RB1: variants seen among roughly 807,000 people sequenced by gnomAD.
RB1 encodes retinoblastoma-associated protein.
A neutral mutation model predicts 135.4 loss-of-function variants in RB1; 18 were observed. The ratio of observed to expected loss-of-function variants is 0.13; its 90% CI spans 0.09 to 0.20. The LOEUF (loss-of-function observed/expected upper bound fraction) is 0.20, where lower values mean the gene tolerates loss of function less well. RB1 is among the 10% of genes least tolerant of loss of function. RB1 has a pLI of 1.00. For synonymous variants in RB1, 365 were observed against 373.2 expected (o/e 0.98, Z 0.25); for missense variants, 868 against 1,110.0 (o/e 0.78, Z 3.10).
At chr13:48,442,830 G>A (rs1441862648) in intron 17 of RB1, among the ~76,000 whole-genome samples, 1 of 151,816 alleles carries the variant, frequency 6.6e-6, no homozygotes, top group Non-Finnish European at 1.5e-5. Flanking sequence ...AAAATTAACA[G>A]AACAATCACA....
At chr13:48,430,729 G>T (rs1044901154) in intron 17 of RB1, among the ~76,000 whole-genome samples, 1 of 149,066 alleles carries the variant, frequency 6.7e-6, no homozygotes, top group Admixed American at 6.9e-5. Flanking sequence ...GACAGAGTGA[G>T]TCTCCATCTC....
chr13:48,344,606 G>A (rs1223136967), intron 3 of RB1, among the ~76,000 whole-genome samples: 1 of 152,150 alleles, frequency 6.6e-6, no homozygotes. Context: ...ACACGGGGGA[G>A]GGGGTGGCTT....
intron 2 of RB1, among the ~76,000 whole-genome samples, chr13:48,332,588 CA>C (rs1952347179): frequency 6.6e-6 from 1 of 151,708 alleles, no homozygotes; most frequent in African/African-American, 2.4e-5. Flanking sequence ...GTCTCAAAAA[CA>C]AAAACAAAAA....
chr13:48,381,163 C>G lies in RB1; in HGVS notation c.1499-84C>G. ...AATGGTTTAACCTTTCTACTGTTTT[C>G]TTTGTCTGATAATAACTTCCAAAAA... is the stretch of plus-strand genomic sequence containing the variant. On this transcript the variant is annotated intron_variant, in intron 16 of 26. Transcript: ENST00000267163. 3 of 1,492,650 alleles carry G rather than the reference C, an allele frequency of 2.0e-6. No individual in the cohort carries two copies. In the African/African-American group the frequency reaches 4.3e-5, roughly 21 times the overall value. 92.5% of individuals were successfully genotyped at this position (1,492,650 alleles called of 1,614,324 possible). A position where few individuals can be genotyped will look rare whatever the true frequency, so the allele number is the denominator to read the frequency against.
At chr13:48,398,739 T>A (rs2138176144) in intron 17 of RB1, among the ~76,000 whole-genome samples, 1 of 152,166 alleles carries the variant, frequency 6.6e-6, no homozygotes, top group Admixed American at 6.5e-5. Context: ...ATGCTGTTTT[T>A]ACTACCTCTA....
At chr13:48,402,882 A>T (rs1341415759) in intron 17 of RB1, among the ~76,000 whole-genome samples, 1 of 152,178 alleles carries the variant, frequency 6.6e-6, no homozygotes, top group Non-Finnish European at 1.5e-5. Context: ...TATATGACAT[A>T]TAAATCAAAT....
intron 17 of RB1, chr13:48,411,934 C>T: frequency 6.2e-7 from 1 of 1,612,132 alleles, no homozygotes; most frequent in Non-Finnish European, 8.5e-7. Flanking sequence ...GCTTCTGAGG[C>T]ATTGTTACCC....
At chr13:48,359,856 CAG>C (rs1434904108) in intron 6 of RB1, among the ~76,000 whole-genome samples, 159 bp from the exon 7 acceptor site, 1 of 149,864 alleles carries the variant, frequency 6.7e-6, no homozygotes, top group Non-Finnish European at 1.5e-5. Context: ...CCTTTTAAAA[CAG>C]ATTTTTTTTT....
chr13:48,406,393 A>G (rs1053207914), intron 17 of RB1, among the ~76,000 whole-genome samples: 1 of 152,174 alleles, frequency 6.6e-6, no homozygotes, highest in East Asian at 1.9e-4. Context: ...AATTTCTCCC[A>G]TTTTAATAAA....
chr13:48,337,685 G>A (rs1462348201), intron 2 of RB1, among the ~76,000 whole-genome samples: 3 of 152,112 alleles, frequency 2.0e-5, no homozygotes, highest in Non-Finnish European at 4.4e-5. Context: ...TTACATTTAA[G>A]GTTAATATTG....
intron 6 of RB1, among the ~76,000 whole-genome samples, chr13:48,358,145 A>G (rs939871810): frequency 2.6e-5 from 4 of 152,156 alleles, no homozygotes; most frequent in African/African-American, 9.6e-5. Context: ...TATCACTCAA[A>G]TCAGCCTCAG....
In RB1 at chr13:48,401,588, G is replaced by A. The variant is rs1593469391; in HGVS notation, c.1695+20145G>A. ...TGTTTTAAAAACTCTGAACTGTCAC[G>A]ACCCAGTCTGTTTCAACATACACAT... On this transcript the variant is annotated intron_variant, in intron 17 of 26. Coordinates refer to ENST00000267163, the MANE Select transcript of RB1 (RefSeq NM_000321.3). Among the ~76,000 whole-genome samples the A allele has an allele frequency of 2.6e-5, 4 of 151,988 alleles. No individual in the cohort carries two copies. In the South Asian group the frequency reaches 8.3e-4, roughly 31 times the overall value.
At chr13:48,408,763 T>C (rs1311018145) in intron 17 of RB1, 1 of 152,212 alleles carries the variant, frequency 6.6e-6, no homozygotes, top group Non-Finnish European at 1.5e-5. Flanking sequence ...GATTCATTTA[T>C]CTTCCTGTTG....
chr13:48,476,985 T>C, intron 25 of RB1, 142 bp downstream of exon 25: 1 of 1,106,836 alleles, frequency 9.0e-7, no homozygotes, highest in Non-Finnish European at 1.4e-6. Context: ...AAATAATAGA[T>C]ATGAGTGTAG....
At chr13:48,471,408 G>A (rs1407578868) in intron 23 of RB1, among the ~76,000 whole-genome samples, 1 of 90,168 alleles carries the variant, frequency 1.1e-5, no homozygotes, top group Admixed American at 1.2e-4. Context: ...TGGGGACTGT[G>A]GTGGGGTCGG....
chr13:48,474,204 A>G (rs1203496371), intron 24 of RB1, among the ~76,000 whole-genome samples: 1 of 152,078 alleles, frequency 6.6e-6, no homozygotes, highest in Non-Finnish European at 1.5e-5. Context: ...TTCATTATAT[A>G]GGCATAATTG....
chr13:48,334,675 T>G lies in RB1; in HGVS notation c.265-7924T>G, dbSNP rs559837476. Among the ~76,000 whole-genome samples the G allele has an allele frequency of 2.6e-5, 4 of 152,332 alleles. No homozygotes were observed. In the East Asian group the frequency reaches 7.7e-4, roughly 29 times the overall value. The stretch of plus-strand genomic sequence containing the variant: ...TAAATTTATGTCAGTTGTGACAGCA[T>G]ACATAGTAGTACTTTTCTGATAGTT... On this transcript the variant is annotated intron_variant, in intron 2 of 26. Transcript: ENST00000267163.
intron 17 of RB1, chr13:48,424,254 A>C (rs1456589745): frequency 6.6e-6 from 1 of 152,262 alleles, no homozygotes; most frequent in Non-Finnish European, 1.5e-5. Flanking sequence ...ATTCTAGACT[A>C]GTATTACCAT....
intron 17 of RB1, 94 bp from the exon 18 acceptor site, chr13:48,452,899 A>G (rs1949336624): frequency 5.8e-6 from 9 of 1,552,216 alleles, no homozygotes; most frequent in Middle Eastern, 2.2e-4. Context: ...CCTAAAATTC[A>G]TAGTACTTAC....
Sources: allele counts gnomAD v4.1 joint callset (sites outside exome capture counted in the v4.1 genomes callset), GRCh38; gene constraint gnomAD v4.1.1; transcripts MANE v1.5; gene names NCBI Gene and HGNC (gene_info 2026-07-23, HGNC 2026-07-21).